Variants in OSBPL1A observed in about 807,000 individuals in gnomAD.
The protein encoded by OSBPL1A is oxysterol-binding protein-related protein 1.
A neutral mutation model predicts 137.1 loss-of-function variants in OSBPL1A; 80 were observed. The ratio of observed to expected loss-of-function variants is 0.58; its 90% CI spans 0.49 to 0.70. OSBPL1A has a LOEUF of 0.70. OSBPL1A is among the 30% of genes least tolerant of loss of function. The pLI is 0.00. For missense variants in OSBPL1A, 970 were observed against 1,129.4 expected, an observed-to-expected ratio of 0.86 and a Z score of 2.02; for synonymous variants, 365 against 389.7, an observed-to-expected ratio of 0.94 and a Z score of 0.75.
At chr18:24,344,699 A>C (rs1475813776) in intron 4 of OSBPL1A, among the ~76,000 whole-genome samples, 1 of 152,184 alleles carries the variant, frequency 6.6e-6, no homozygotes, top group Non-Finnish European at 1.5e-5. Context: ...AGAGCTGAGC[A>C]ACAGGTGAAA....
At chr18:24,326,114 A>C (rs1191294567) in intron 7 of OSBPL1A, among the ~76,000 whole-genome samples, 1 of 152,222 alleles carries the variant, frequency 6.6e-6, no homozygotes, top group Non-Finnish European at 1.5e-5. Context: ...TAGAAAAAAA[A>C]ACATACAGAA....
At chr18:24,358,259 T>C (rs1457005295) in intron 4 of OSBPL1A, 1 of 541,258 alleles carries the variant, frequency 1.8e-6, no homozygotes, top group Non-Finnish European at 3.2e-6. Flanking sequence ...AGTATCCACG[T>C]ATCCATGACT....
At chr18:24,267,179 G>A (rs2089599930) in intron 15 of OSBPL1A, among the ~76,000 whole-genome samples, 1 of 150,130 alleles carries the variant, frequency 6.7e-6, no homozygotes, top group East Asian at 2.0e-4. Flanking sequence ...AGAAAATTAT[G>A]AATACCTTTA....
intron 17 of OSBPL1A, among the ~76,000 whole-genome samples, chr18:24,210,926 TA>T (rs1567948067): frequency 6.6e-6 from 1 of 150,580 alleles, no homozygotes; most frequent in African/African-American, 2.5e-5. Flanking sequence ...ATTCATTTAA[TA>T]AAAGTAAAAG....
chr18:24,264,423 G>GT (rs1157083199), intron 15 of OSBPL1A, among the ~76,000 whole-genome samples: 1 of 152,152 alleles, frequency 6.6e-6, no homozygotes, highest in African/African-American at 2.4e-5. Context: ...AATTAAGGGT[G>GT]TAACGCCAAC....
intron 2 of OSBPL1A, among the ~76,000 whole-genome samples, chr18:24,375,531 T>C (rs1906041721): frequency 6.6e-6 from 1 of 152,170 alleles, no homozygotes; most frequent in Admixed American, 6.5e-5. Context: ...TGTTTCTTCT[T>C]CCTTGAACCA....
At chr18:24,209,412 G>A (rs1355029564) in intron 17 of OSBPL1A, among the ~76,000 whole-genome samples, 2 of 152,210 alleles carry the variant, frequency 1.3e-5, no homozygotes, top group African/African-American at 2.4e-5. Flanking sequence ...AGGATGTGGA[G>A]CAACTAAAAT....
chr18:24,357,803 T>G (rs1167954762), intron 4 of OSBPL1A: 2 of 152,128 alleles, frequency 1.3e-5, no homozygotes, highest in Non-Finnish European at 2.9e-5. Context: ...TTTTTAGAAG[T>G]TCACTGGTCT....
chr18:24,255,508 A>C (rs1321624394), intron 15 of OSBPL1A, among the ~76,000 whole-genome samples: 2 of 152,102 alleles, frequency 1.3e-5, no homozygotes. Flanking sequence ...TCTCCTTTGG[A>C]GAGGCTAATC....
chr18:24,328,649 C>T (rs1353623670), intron 7 of OSBPL1A, among the ~76,000 whole-genome samples: 1 of 152,144 alleles, frequency 6.6e-6, no homozygotes, highest in Non-Finnish European at 1.5e-5. Flanking sequence ...GAGGACAACA[C>T]AGTGAACCAG....
intron 17 of OSBPL1A, among the ~76,000 whole-genome samples, chr18:24,199,508 A>T (rs2087149423): frequency 6.6e-6 from 1 of 152,102 alleles, no homozygotes; most frequent in Non-Finnish European, 1.5e-5. Flanking sequence ...CCCAAACAGT[A>T]TGTAAACTCC....
intron 21 of OSBPL1A, among the ~76,000 whole-genome samples, chr18:24,175,777 C>A (rs369510589): frequency 6.6e-6 from 1 of 152,072 alleles, no homozygotes; most frequent in Non-Finnish European, 1.5e-5. Flanking sequence ...TTACATTTTA[C>A]GTAAATGATC....
intron 17 of OSBPL1A, among the ~76,000 whole-genome samples, chr18:24,214,268 A>G (rs773488353): frequency 6.6e-6 from 1 of 152,238 alleles, no homozygotes; most frequent in Non-Finnish European, 1.5e-5. Flanking sequence ...TGAACAACAG[A>G]GAGATTAATG....
At chr18:24,299,446 A>C (rs2090356081) in intron 14 of OSBPL1A, among the ~76,000 whole-genome samples, 1 of 152,182 alleles carries the variant, frequency 6.6e-6, no homozygotes. Flanking sequence ...AAATTCACGT[A>C]GAGTTTATTT....
At chr18:24,241,187 A>G (rs1353330650) in intron 15 of OSBPL1A, among the ~76,000 whole-genome samples, 1 of 152,230 alleles carries the variant, frequency 6.6e-6, no homozygotes, top group Non-Finnish European at 1.5e-5. Flanking sequence ...AAGAAAACCT[A>G]GGCAATACCA....
At chr18:24,250,632 G>A (rs275864) in intron 15 of OSBPL1A, among the ~76,000 whole-genome samples, 70,976 of 152,090 alleles carry the variant, frequency 0.47, 17,783 homozygotes, top group East Asian at 0.88. Context: ...GAGGGCCTTG[G>A]GTGAGCCTCA....
intron 4 of OSBPL1A, chr18:24,358,374 T>C: frequency 1.5e-6 from 1 of 671,130 alleles, no homozygotes; most frequent in Non-Finnish European, 2.7e-6. Flanking sequence ...GGCTGAGGCA[T>C]CGCTTGAGCC....
At chr18:24,330,506 CAG>C (rs930822468) in intron 7 of OSBPL1A, among the ~76,000 whole-genome samples, 16 of 145,086 alleles carry the variant, frequency 1.1e-4, no homozygotes, top group African/African-American at 3.9e-4. Context: ...TTTTTTGAGA[CAG>C]AGTTTCACTC....
At chr18:24,231,678 A>G (rs1402233110) in intron 16 of OSBPL1A, among the ~76,000 whole-genome samples, 2 of 152,246 alleles carry the variant, frequency 1.3e-5, no homozygotes, top group African/African-American at 4.8e-5. Context: ...TCAAAATAGC[A>G]TGGAAGCCAA....
Sources: gnomAD v4.1 joint callset for allele counts (sites outside exome capture counted in the v4.1 genomes callset) on GRCh38, gnomAD v4.1.1 for gene constraint, MANE v1.5 for transcripts, NCBI Gene and HGNC (gene_info 2026-07-23, HGNC 2026-07-21) for gene names.